Variants in JMJD1C observed in about 807,000 individuals in gnomAD.
The protein encoded by JMJD1C is jumonji domain containing 1C.
JMJD1C carries 31 observed loss-of-function variants against 245.3 expected under a neutral mutation model. The ratio of observed to expected loss-of-function variants is 0.13; its 90% CI spans 0.09 to 0.17. The LOEUF (loss-of-function observed/expected upper bound fraction) is 0.17, where lower values mean the gene tolerates loss of function less well. JMJD1C is among the 10% of genes least tolerant of loss of function. The pLI, the probability that JMJD1C is intolerant of heterozygous loss-of-function variation, is 1.00. For missense variants in JMJD1C, 2,691 were observed against 3,000.2 expected (o/e 0.90, Z 2.41); for synonymous variants, 1,057 against 1,017.4 (o/e 1.04, Z -0.74).
At chr10:63,491,606 C>G (rs1226291072) in intron 1 of JMJD1C, among the ~76,000 whole-genome samples, 1 of 152,174 alleles carries the variant, frequency 6.6e-6, no homozygotes, top group African/African-American at 2.4e-5. Flanking sequence ...ACTACCCAAG[C>G]CTATCTTTAA....
intron 1 of JMJD1C, among the ~76,000 whole-genome samples, chr10:63,488,418 CT>C (rs777688752): frequency 5.9e-5 from 9 of 152,062 alleles, no homozygotes; most frequent in Non-Finnish European, 1.2e-4. Context: ...TATGGTGCTT[CT>C]TTTTCTTAGG....
chr10:63,508,709 T>C (rs975256640), intron 1 of JMJD1C, among the ~76,000 whole-genome samples: 3 of 152,238 alleles, frequency 2.0e-5, no homozygotes, highest in African/African-American at 4.8e-5. Context: ...GTTAGATTTA[T>C]ACCTATAAAT....
chr10:63,215,678 C>T lies in JMJD1C; in HGVS notation c.697G>A (p.Val233Ile). ...MNDQVLEPQN[V>I]DPSMVQMTFL... ...GTCATTTGAACCATAGAAGGATCGA[C>T]ATTCTGTGGTTCTAGTACCTAATCC... Residue 233 changes from valine (V) to isoleucine (I), a missense_variant, in exon 6 of 26, where the codon GTC becomes ATC. This residue lies in a region of JMJD1C where 172 missense variants were observed against 240.8 expected (regional missense o/e 0.71). Transcript: ENST00000399262. 1 of 1,589,330 alleles carries T rather than the reference C, an allele frequency of 6.3e-7. No individual in the cohort carries two copies. Among genetic ancestry groups the T allele is most frequent in the Non-Finnish European group, 8.6e-7 (1 of 1,161,696 alleles).
intron 1 of JMJD1C, among the ~76,000 whole-genome samples, chr10:63,490,472 G>C (rs936461992): frequency 2.7e-5 from 4 of 149,508 alleles, no homozygotes; most frequent in Admixed American, 2.7e-4. Flanking sequence ...CTGGAGTGCA[G>C]TGGTGCAATC....
At chr10:63,212,711 T>A (rs566051400) in intron 8 of JMJD1C, among the ~76,000 whole-genome samples, 4 of 152,072 alleles carry the variant, frequency 2.6e-5, no homozygotes, top group African/African-American at 4.8e-5. Context: ...ATCTGGAGAA[T>A]ATAACAATTT....
rs755084176 is a variant in JMJD1C, at chr10:63,214,806, G to C, written c.1361C>G (p.Thr454Ser). 6.2e-7 allele frequency: 1 copy of C among 1,613,656 alleles called. No individual in the cohort carries two copies. The highest frequency in any genetic ancestry group is 8.5e-7 in the Non-Finnish European group (1 of 1,179,742). Residue 454 changes from threonine to serine, a missense_variant, in exon 8 of 26, where the codon ACT (threonine) becomes AGT (serine). Physicochemically the swap from Thr to Ser is moderately conservative, Grantham distance 58. Coordinates refer to ENST00000399262, the MANE Select transcript of JMJD1C (RefSeq NM_032776.3). The stretch of plus-strand genomic sequence containing the variant: ...AATAATCATATCTTCTTGAAGCTGA[G>C]TGTCAACAGACTTCCGCTTCTCTGC... Reference protein sequence around the residue: ...EEAEKRKSVDTQLQEDMIIHS... With the variant: ...EEAEKRKSVDSQLQEDMIIHS...
chr10:63,461,305 A>C (rs1341155788), intron 1 of JMJD1C, among the ~76,000 whole-genome samples: 1 of 152,202 alleles, frequency 6.6e-6, no homozygotes, highest in Non-Finnish European at 1.5e-5. Context: ...ATGAAGTAAA[A>C]ATCATTCATT....
At chr10:63,223,042 A>C in intron 3 of JMJD1C, 1 of 1,257,586 alleles carries the variant, frequency 8.0e-7, no homozygotes, top group Non-Finnish European at 1.2e-6. Context: ...TTTTTCCTGG[A>C]ATATAATTGG....
intron 1 of JMJD1C, among the ~76,000 whole-genome samples, chr10:63,461,805 T>C (rs762937308): frequency 1.3e-5 from 2 of 152,116 alleles, no homozygotes; most frequent in African/African-American, 2.4e-5. Flanking sequence ...GAAAGGTAGA[T>C]AGATGGGTGT....
At chr10:63,485,436 A>G (rs1214850239) in intron 1 of JMJD1C, among the ~76,000 whole-genome samples, 4 of 152,016 alleles carry the variant, frequency 2.6e-5, no homozygotes, top group Admixed American at 1.3e-4. Flanking sequence ...CAGCAGGGAG[A>G]AAAAAAAGAA....
chr10:63,359,832 G>T (rs1014449083), intron 2 of JMJD1C, among the ~76,000 whole-genome samples: 6 of 151,864 alleles, frequency 4.0e-5, no homozygotes, highest in African/African-American at 1.5e-4. Flanking sequence ...AGGATGGCTT[G>T]GTATTGTTTC....
chr10:63,341,524 G>A (rs985976367), intron 2 of JMJD1C, among the ~76,000 whole-genome samples: 1 of 152,164 alleles, frequency 6.6e-6, no homozygotes, highest in Non-Finnish European at 1.5e-5. Flanking sequence ...CTGTTTTCGA[G>A]GAGTGAATTT....
At chr10:63,472,314 C>A (rs1019586926) in intron 1 of JMJD1C, among the ~76,000 whole-genome samples, 7 of 151,898 alleles carry the variant, frequency 4.6e-5, no homozygotes, top group Admixed American at 2.0e-4. Context: ...TTCTTTCCCC[C>A]ACTTGCAATT....
chr10:63,494,477 T>C (rs554970419), intron 1 of JMJD1C, among the ~76,000 whole-genome samples: 114 of 152,302 alleles, frequency 7.5e-4, no homozygotes, highest in African/African-American at 2.5e-3. Flanking sequence ...AACTTCTTTT[T>C]ATATTATGGG....
upstream of JMJD1C, among the ~76,000 whole-genome samples, chr10:63,467,456 C>T (rs886353651): frequency 1.3e-5 from 2 of 152,108 alleles, no homozygotes; most frequent in African/African-American, 4.8e-5. Flanking sequence ...TGCAGTGAGC[C>T]GGGATCGTGC....
intron 1 of JMJD1C, among the ~76,000 whole-genome samples, chr10:63,425,468 A>G (rs1950385304): frequency 1.3e-5 from 2 of 152,158 alleles, no homozygotes; most frequent in Admixed American, 1.3e-4. Context: ...TGCATATCAC[A>G]TGACAAATAA....
intron 1 of JMJD1C, among the ~76,000 whole-genome samples, chr10:63,382,410 T>A (rs1433415997): frequency 6.6e-6 from 1 of 152,090 alleles, no homozygotes; most frequent in African/African-American, 2.4e-5. Flanking sequence ...ACATATGACG[T>A]TCAATTAATG....
At chr10:63,341,003 AAG>A (rs1164079089) in intron 2 of JMJD1C, among the ~76,000 whole-genome samples, 4 of 152,204 alleles carry the variant, frequency 2.6e-5, no homozygotes, top group African/African-American at 9.6e-5. Flanking sequence ...TCATAAACAG[AAG>A]TTAGTGAGAA....
At chr10:63,430,067 T>C (rs1950658041) in intron 1 of JMJD1C, among the ~76,000 whole-genome samples, 1 of 152,190 alleles carries the variant, frequency 6.6e-6, no homozygotes, top group South Asian at 2.1e-4. Context: ...TTTAAAAAAG[T>C]TGGTATGGTT....
Sources: allele counts gnomAD v4.1 joint callset (sites outside exome capture counted in the v4.1 genomes callset), GRCh38; gene constraint gnomAD v4.1.1; regional missense constraint gnomAD v4.1.1; transcripts MANE v1.5; gene names NCBI Gene and HGNC (gene_info 2026-07-23, HGNC 2026-07-21).